The following HDGFL3 variants were observed in gnomAD, a reference collection of about 807,000 sequenced individuals.
HDGFL3 encodes the protein HDGF like 3.
Under a neutral mutation model 27.6 loss-of-function variants are expected in HDGFL3, and 6 were observed. That is an observed-to-expected ratio of 0.22 (90% CI 0.12 to 0.43). The LOEUF is 0.43. Ranked by LOEUF, HDGFL3 falls within the 20% of genes least tolerant of loss-of-function variation. HDGFL3 has a pLI of 1.00. For synonymous variants in HDGFL3, 88 were observed against 88.9 expected (o/e 0.99, Z 0.05); for missense variants, 207 against 250.1 (o/e 0.83, Z 1.16).
chr15:83,117,586 G>A (rs2034788348), intron 3 of HDGFL3, among the ~76,000 whole-genome samples: 2 of 152,074 alleles, frequency 1.3e-5, no homozygotes, highest in Admixed American at 6.5e-5. Context: ...GGAAGGAGGC[G>A]GCTGACGAGA....
intron 3 of HDGFL3, among the ~76,000 whole-genome samples, chr15:83,117,808 G>A (rs1183284266): frequency 6.6e-6 from 1 of 152,088 alleles, no homozygotes; most frequent in East Asian, 1.9e-4. Context: ...GCCAGGCCTT[G>A]AGAATCTTTA....
At chr15:83,119,029 C>T (rs1264821195) in intron 3 of HDGFL3, among the ~76,000 whole-genome samples, 1 of 152,156 alleles carries the variant, frequency 6.6e-6, no homozygotes, top group Non-Finnish European at 1.5e-5. Context: ...TCCTGTCCAT[C>T]CCACTGGGTT....
rs747005708 is a variant in HDGFL3 at position 83,119,662 on chromosome 15, G to A, written c.394-3921C>T. On this transcript the variant is annotated intron_variant, in intron 3 of 3. Coordinates refer to the HDGFL3 transcript ENST00000568294. ...TCATTATCTGATGTACCTGGTGATGGTGGCAGCCATAGCATGGGAGTAAGT... is the reference window on the plus strand; with the variant it reads ...TCATTATCTGATGTACCTGGTGATGATGGCAGCCATAGCATGGGAGTAAGT... The A allele has an allele frequency of 1.1e-4, 179 of 1,614,062 alleles. No individual in the cohort carries two copies. Among genetic ancestry groups the A allele is most frequent in the Non-Finnish European group, 1.5e-4 (173 of 1,180,018 alleles).
At chr15:83,112,811 T>C (rs1420620677) in exon 4 of HDGFL3, 2 of 1,613,894 alleles carry the variant, frequency 1.2e-6, no homozygotes, top group Non-Finnish European at 8.5e-7. Flanking sequence ...TGGACTATTG[T>C]AGGGGTTGCT....
intron 3 of HDGFL3, among the ~76,000 whole-genome samples, chr15:83,118,656 T>C (rs1815586768): frequency 6.6e-6 from 1 of 152,110 alleles, no homozygotes; most frequent in Non-Finnish European, 1.5e-5. Flanking sequence ...GCTTGGCTGA[T>C]TGATGGGCTG....
chr15:83,169,962 C>T (rs73455462), intron 1 of HDGFL3, among the ~76,000 whole-genome samples: 1,804 of 152,240 alleles, frequency 0.012, 38 homozygotes, highest in African/African-American at 0.041. Flanking sequence ...GAATGCAATC[C>T]AGTTTACAAT....
intron 1 of HDGFL3, among the ~76,000 whole-genome samples, chr15:83,202,247 C>T (rs1224382942): frequency 6.6e-6 from 1 of 152,128 alleles, no homozygotes; most frequent in Non-Finnish European, 1.5e-5. Flanking sequence ...GCCTTACATA[C>T]AGTAGGTGCT....
Position 83,130,565 on chromosome 15 carries a change from G to C in HDGFL3, c.*8705C>G, listed in dbSNP as rs1199392336. ...GAAGGATGTTTCTCCCAGCCCAGCA[G>C]GTGAAGACAGACTGAGTAAAGAATT... is the stretch of plus-strand genomic sequence containing the variant. On this transcript the variant is annotated 3_prime_UTR_variant, in exon 6 of 6. Coordinates refer to ENST00000299633, the MANE Select transcript of HDGFL3 (RefSeq NM_016073.4). 6.6e-6 allele frequency: 1 copy of C among 152,266 alleles called. No homozygotes were observed. Among genetic ancestry groups the C allele is most frequent in the African/African-American group, 2.4e-5 (1 of 41,462 alleles). The allele number at this position is 152,266 out of a possible 1,614,324, so 9.4% of individuals were successfully genotyped here.
chr15:83,164,367 C>CAAAAAAAAAAAAAAAAAA (rs869303457), intron 1 of HDGFL3, among the ~76,000 whole-genome samples: 15 of 38,392 alleles, frequency 3.9e-4, no homozygotes, highest in East Asian at 9.0e-4. Context: ...TTAGAGTAAC[C>CAAAAAAAAAAAAAAAAAA]AAAAAAAAAA....
At chr15:83,192,923 T>C (rs1013258805) in intron 1 of HDGFL3, among the ~76,000 whole-genome samples, 1 of 152,222 alleles carries the variant, frequency 6.6e-6, no homozygotes, top group Non-Finnish European at 1.5e-5. Flanking sequence ...GGCAAACTTC[T>C]GAGGTTTGTC....
intron 1 of HDGFL3, among the ~76,000 whole-genome samples, chr15:83,178,970 C>T (rs1019891661): frequency 1.3e-5 from 2 of 152,148 alleles, no homozygotes; most frequent in African/African-American, 4.8e-5. Context: ...CTCCTCCCTA[C>T]TCTTATTTAT....
At chr15:83,150,361 T>G (rs887015881) in intron 5 of HDGFL3, among the ~76,000 whole-genome samples, 2 of 152,116 alleles carry the variant, frequency 1.3e-5, no homozygotes, top group African/African-American at 4.8e-5. Context: ...AGAGGACTAC[T>G]TATTAAAGAA....
rs1596477526 is a variant in HDGFL3 at position 83,115,616 on chromosome 15, T to A, written c.*93A>T. The A allele has an allele frequency of 1.2e-5, 8 of 663,368 alleles. No individual in the cohort carries two copies. The East Asian group carries it at 2.3e-4, about 19-fold the overall frequency. The allele number at this position is 663,368 out of a possible 1,614,324, so 41.1% of individuals were successfully genotyped here. A position where few individuals can be genotyped will look rare whatever the true frequency, so the allele number is the denominator to read the frequency against. On this transcript the variant is annotated 3_prime_UTR_variant, in exon 4 of 4. Transcript: ENST00000568294. Reference sequence around the variant, plus strand: ...TGACCATCATTCTCCACTCCTGTGATGAGTGTTCCCTTGATGAGAGTACTT... The same window carrying A: ...TGACCATCATTCTCCACTCCTGTGAAGAGTGTTCCCTTGATGAGAGTACTT...
chr15:83,204,270 C>A (rs1370547783), intron 1 of HDGFL3, among the ~76,000 whole-genome samples: 1 of 151,776 alleles, frequency 6.6e-6, no homozygotes. Context: ...CCAATGTATA[C>A]ATTTGTCAAA....
chr15:83,205,342 TTG>T, intron 1 of HDGFL3, among the ~76,000 whole-genome samples: 1 of 152,322 alleles, frequency 6.6e-6, no homozygotes, highest in South Asian at 2.1e-4. Context: ...GAGTCTTAGG[TTG>T]TTTCTTGAGG....
intron 1 of HDGFL3, among the ~76,000 whole-genome samples, chr15:83,182,031 A>G (rs1349608505): frequency 1.3e-5 from 2 of 152,236 alleles, no homozygotes; most frequent in Non-Finnish European, 2.9e-5. Context: ...ATATACCTAT[A>G]TAACAAATAC....
At chr15:83,204,838 C>G (rs2037697008) in intron 1 of HDGFL3, among the ~76,000 whole-genome samples, 1 of 152,174 alleles carries the variant, frequency 6.6e-6, no homozygotes, top group Admixed American at 6.5e-5. Flanking sequence ...GAAGCCCAGC[C>G]AAGAGCTGAA....
chr15:83,124,993 C>G (rs2035601382), downstream of HDGFL3, among the ~76,000 whole-genome samples: 1 of 152,206 alleles, frequency 6.6e-6, no homozygotes, highest in Non-Finnish European at 1.5e-5. Flanking sequence ...TCAAGCTCTA[C>G]TCAGAAGCAT....
chr15:83,127,727 A>AT (rs1289231530), downstream of HDGFL3: 2 of 372,802 alleles, frequency 5.4e-6, no homozygotes, highest in Non-Finnish European at 9.7e-6. Flanking sequence ...AAGTTAAATG[A>AT]TTTGCCCAAG....
Sources: gnomAD v4.1 joint callset for allele counts (sites outside exome capture counted in the v4.1 genomes callset) on GRCh38, gnomAD v4.1.1 for gene constraint, MANE v1.5 for transcripts, NCBI Gene and HGNC (gene_info 2026-07-23, HGNC 2026-07-21) for gene names.